SLC2A13: variants seen among roughly 807,000 people sequenced by gnomAD.
SLC2A13 encodes the protein solute carrier family 2 member 13.
A neutral mutation model predicts 64.4 loss-of-function variants in SLC2A13; 32 were observed. The observed-to-expected ratio is 0.50, with a 90% CI of 0.37 to 0.67. The LOEUF is 0.67. Ranked by LOEUF, SLC2A13 falls within the 30% of genes least tolerant of loss-of-function variation. The pLI, the probability that SLC2A13 is intolerant of heterozygous loss-of-function variation, is 0.00. For missense variants in SLC2A13, 743 were observed against 829.2 expected, an observed-to-expected ratio of 0.90 and a Z score of 1.28; for synonymous variants, 338 against 327.1, an observed-to-expected ratio of 1.03 and a Z score of -0.36.
intron 6 of SLC2A13, 121 bp from the exon 7 acceptor site, chr12:39,830,349 A>T: frequency 6.9e-7 from 1 of 1,458,078 alleles, no homozygotes; most frequent in Non-Finnish European, 9.0e-7. Flanking sequence ...GGGCCTTGGG[A>T]CTTGTTTTGG....
chr12:39,918,851 CAA>C (rs10589116), intron 4 of SLC2A13, among the ~76,000 whole-genome samples: 8,249 of 123,866 alleles, frequency 0.067, 333 homozygotes, highest in Admixed American at 0.14. Context: ...GACTCTGTCT[CAA>C]AAAAAAAAAA....
intron 4 of SLC2A13, among the ~76,000 whole-genome samples, chr12:39,890,453 A>G (rs1252469793): frequency 1.3e-5 from 2 of 152,184 alleles, no homozygotes; most frequent in East Asian, 3.8e-4. Flanking sequence ...AATGTTGCTC[A>G]TCAATTGACC....
intron 1 of SLC2A13, among the ~76,000 whole-genome samples, chr12:40,089,694 A>C (rs1938698148): frequency 6.6e-6 from 1 of 152,198 alleles, no homozygotes; most frequent in African/African-American, 2.4e-5. Context: ...GTCAGCTCTA[A>C]GAGTGGATTA....
chr12:40,056,848 T>C (rs947461083), intron 1 of SLC2A13, among the ~76,000 whole-genome samples: 4 of 152,122 alleles, frequency 2.6e-5, no homozygotes, highest in Non-Finnish European at 5.9e-5. Context: ...GTCTCCACCA[T>C]TTTTTCAAGC....
chr12:40,032,091 C>A (rs1027735221), intron 2 of SLC2A13, among the ~76,000 whole-genome samples: 10 of 152,158 alleles, frequency 6.6e-5, no homozygotes, highest in African/African-American at 2.4e-4. Context: ...CAGGCCCCAC[C>A]CTTCCCCAGG....
At chr12:39,921,526 T>C (rs1474251459) in intron 4 of SLC2A13, among the ~76,000 whole-genome samples, 2 of 152,070 alleles carry the variant, frequency 1.3e-5, no homozygotes, top group African/African-American at 4.8e-5. Context: ...TTTCAAGCCA[T>C]AGATATCACT....
intron 7 of SLC2A13, among the ~76,000 whole-genome samples, chr12:39,776,109 C>A (rs1356837231): frequency 2.6e-5 from 4 of 152,110 alleles, no homozygotes; most frequent in African/African-American, 7.2e-5. Flanking sequence ...ATTGCTGTTC[C>A]CCCCTACAAT....
chr12:39,995,954 T>C (rs554935651), intron 3 of SLC2A13, among the ~76,000 whole-genome samples: 1 of 152,224 alleles, frequency 6.6e-6, no homozygotes, highest in Non-Finnish European at 1.5e-5. Context: ...ACTAAACCTC[T>C]TTCTTTTGTA....
At position 39,970,205 on chromosome 12, in the gene SLC2A13, T is replaced by G. The variant is rs571631242; in HGVS notation, c.926-18840A>C. On this transcript the variant is annotated intron_variant, in intron 3 of 9. Transcript: ENST00000280871. ...CCATGCTGTTTTGGTTACTGTAGCC[T>G]TGTAGTATAGTTTGAAGTCAGGTAG... Among the ~76,000 whole-genome samples the G allele has an allele frequency of 5.9e-5, 9 of 152,368 alleles. No individual in the cohort carries two copies. The South Asian group carries it at 1.0e-3, about 18-fold the overall frequency.
chr12:39,895,026 C>G (rs754952478), intron 4 of SLC2A13, among the ~76,000 whole-genome samples: 2 of 152,108 alleles, frequency 1.3e-5, no homozygotes, highest in Non-Finnish European at 2.9e-5. Context: ...AGAATCATAA[C>G]CAACGGCAGT....
At chr12:39,962,103 C>T (rs891244886) in intron 3 of SLC2A13, among the ~76,000 whole-genome samples, 1 of 152,122 alleles carries the variant, frequency 6.6e-6, no homozygotes, top group East Asian at 1.9e-4. Context: ...AAACCACCTT[C>T]GCATTCCTGA....
At position 39,830,084 on chromosome 12, in the gene SLC2A13, G is replaced by A. The variant is rs1480112683; in HGVS notation, c.1445+19C>T. 2 of 1,612,858 alleles carry A rather than the reference G, an allele frequency of 1.2e-6. No homozygotes were observed. The highest frequency in any genetic ancestry group is 2.7e-5 in the African/African-American group (2 of 74,858). On this transcript the variant is annotated intron_variant, in intron 7 of 9. Coordinates refer to ENST00000280871, the MANE Select transcript of SLC2A13 (RefSeq NM_052885.4). Reference sequence around the variant, plus strand: ...TTGAAATATTATTATATATTCGTATGGTAAAATGAGTGATATACCTGCCCC... The same window carrying A: ...TTGAAATATTATTATATATTCGTATAGTAAAATGAGTGATATACCTGCCCC...
At chr12:40,051,869 T>C (rs1317475377) in intron 1 of SLC2A13, among the ~76,000 whole-genome samples, 2 of 152,262 alleles carry the variant, frequency 1.3e-5, no homozygotes, top group South Asian at 2.1e-4. Flanking sequence ...AAGAGGAAGA[T>C]GCATGATCAG....
chr12:39,866,604 G>C (rs1277573772), intron 5 of SLC2A13, among the ~76,000 whole-genome samples: 1 of 151,880 alleles, frequency 6.6e-6, no homozygotes, highest in Admixed American at 6.6e-5. Context: ...CTCAGCCTCT[G>C]GAGTAGCTGG....
At position 39,960,744 on chromosome 12, in the gene SLC2A13, C is replaced by CTCT. The variant is rs575702904; in HGVS notation, c.926-9380_926-9379insAGA. On this transcript the variant is annotated intron_variant, in intron 3 of 9. Coordinates refer to ENST00000280871, the MANE Select transcript of SLC2A13 (RefSeq NM_052885.4). ...GTGAAAAATGGTTTCCTGTCTCATTCTTTTTTTTTTTTTTTTTTTTCAAGA... is the reference window on the plus strand; with the variant it reads ...GTGAAAAATGGTTTCCTGTCTCATTCTCTTTTTTTTTTTTTTTTTTTTTCAAGA... 1.7e-4 allele frequency among the ~76,000 whole-genome samples: 18 copies of CTCT among 108,846 alleles called. 1 individual carries two copies. The highest frequency in any genetic ancestry group is 3.1e-4 in the Non-Finnish European group (18 of 57,202). The allele number at this position is 108,846 out of a possible 152,430, so 71.4% of individuals were successfully genotyped here.
At chr12:39,836,469 G>C (rs932616732) in intron 6 of SLC2A13, among the ~76,000 whole-genome samples, 1 of 151,984 alleles carries the variant, frequency 6.6e-6, no homozygotes, top group South Asian at 2.1e-4. Context: ...ATTCAACATA[G>C]TGTTGGAAGT....
chr12:40,080,509 G>T (rs1938354888), intron 1 of SLC2A13, among the ~76,000 whole-genome samples: 1 of 152,128 alleles, frequency 6.6e-6, no homozygotes, highest in South Asian at 2.1e-4. Flanking sequence ...TCCTGCCTTA[G>T]CCTCCTGAGT....
At chr12:40,079,769 G>A (rs1455726294) in intron 1 of SLC2A13, among the ~76,000 whole-genome samples, 2 of 152,194 alleles carry the variant, frequency 1.3e-5, no homozygotes, top group Admixed American at 1.3e-4. Flanking sequence ...TTGTTTTATT[G>A]ATCTAAGCAC....
chr12:39,896,279 CATGTATGT>C lies in SLC2A13; in HGVS notation c.1035-24326_1035-24319del, dbSNP rs1364241686. On this transcript the variant is annotated intron_variant, in intron 4 of 9. Coordinates refer to ENST00000280871, the MANE Select transcript of SLC2A13 (RefSeq NM_052885.4). Reference sequence around the variant, plus strand: ...ATGTATATGTGTGTATATATGTATACATGTATGTATATGTGTGTATATATGTATACATA... The same window carrying C: ...ATGTATATGTGTGTATATATGTATACATATGTGTGTATATATGTATACATA... Among the ~76,000 whole-genome samples the C allele has an allele frequency of 3.7e-3, 295 of 79,968 alleles. 1 individual carries two copies. Among genetic ancestry groups the C allele is most frequent in the Non-Finnish European group, 6.3e-3 (236 of 37,576 alleles). The allele number at this position is 79,968 out of a possible 152,430, so 52.5% of individuals were successfully genotyped here.
Sources: gnomAD v4.1 joint callset for allele counts (sites outside exome capture counted in the v4.1 genomes callset) on GRCh38, gnomAD v4.1.1 for gene constraint, MANE v1.5 for transcripts, NCBI Gene and HGNC (gene_info 2026-07-23, HGNC 2026-07-21) for gene names.